TEX9: variants seen among roughly 807,000 people sequenced by gnomAD.
TEX9 encodes the protein testis-expressed protein 9.
TEX9 carries 74 observed loss-of-function variants against 59.6 expected under a neutral mutation model. The observed-to-expected ratio is 1.24, with a 90% CI of 1.03 to 1.51. TEX9 has a LOEUF of 1.51. TEX9 is among the 40% of genes most tolerant of loss of function. The probability of loss-of-function intolerance (pLI) is 0.00; values close to 1 mark genes in which losing one functional copy is unlikely to be tolerated. For synonymous variants in TEX9, 186 were observed against 152.2 expected (o/e 1.22, Z -1.64); for missense variants, 522 against 447.8 (o/e 1.17, Z -1.49).
exon 1 of TEX9, chr15:56,365,458 G>C (rs537944924): frequency 6.2e-7 from 1 of 1,612,680 alleles, no homozygotes; most frequent in East Asian, 2.2e-5. Context: ...AAGATGGCGG[G>C]GCGAAGTCTG....
intron 10 of TEX9, among the ~76,000 whole-genome samples, chr15:56,419,334 T>C (rs1231395448): frequency 6.6e-6 from 1 of 151,874 alleles, no homozygotes; most frequent in African/African-American, 2.4e-5. Flanking sequence ...ATGCTTTGGC[T>C]TTGTGGGCTA....
chr15:56,456,400 T>C, the TEX9 span: 1 of 1,604,290 alleles, frequency 6.2e-7, no homozygotes, highest in Non-Finnish European at 8.5e-7. Context: ...ATACCTGTTT[T>C]CTCTTACTTG....
chr15:56,247,614 G>T (rs1041186420), intron 1 of TEX9, among the ~76,000 whole-genome samples: 1 of 152,112 alleles, frequency 6.6e-6, no homozygotes, highest in East Asian at 1.9e-4. Flanking sequence ...GTATAGGCGA[G>T]GGAAAAGAAG....
chr15:56,261,672 A>G (rs1276536135), intron 1 of TEX9, among the ~76,000 whole-genome samples: 1 of 152,048 alleles, frequency 6.6e-6, no homozygotes, highest in Non-Finnish European at 1.5e-5. Context: ...AGCTAAGCTA[A>G]CGCCATTGCA....
intron 1 of TEX9, among the ~76,000 whole-genome samples, chr15:56,316,286 C>A (rs1271703375): frequency 6.6e-6 from 1 of 151,946 alleles, no homozygotes. Context: ...GTGGTTTTAT[C>A]TACTTTTCGT....
chr15:56,319,200 G>A (rs190783214), intron 1 of TEX9, among the ~76,000 whole-genome samples: 2 of 152,020 alleles, frequency 1.3e-5, no homozygotes, highest in East Asian at 3.9e-4. Context: ...CAACCCCTCT[G>A]TGATGGCCAC....
intron 1 of TEX9, among the ~76,000 whole-genome samples, chr15:56,282,867 G>A (rs922818244): frequency 2.6e-5 from 4 of 152,056 alleles, no homozygotes; most frequent in African/African-American, 2.4e-5. Context: ...CAAAACTTTG[G>A]TGGGATATTT....
rs181316842 is a variant in TEX9 at position 56,263,913 on chromosome 15, T to C, written c.-107+19635T>C. ...TATTAATGAGTACTGTATCACTGCA[T>C]GGATATACCAATTTGTCTATCCATT... On this transcript the variant is annotated intron_variant, in intron 1 of 5. Coordinates refer to the TEX9 transcript ENST00000560827. Among the ~76,000 whole-genome samples, 270 of 152,340 alleles carry C rather than the reference T, an allele frequency of 1.8e-3. 1 individual carries two copies. The highest frequency in any genetic ancestry group is 6.2e-3 in the African/African-American group (256 of 41,566).
chr15:56,263,770 C>T (rs966808358), intron 1 of TEX9, among the ~76,000 whole-genome samples: 1 of 152,140 alleles, frequency 6.6e-6, no homozygotes, highest in Non-Finnish European at 1.5e-5. Flanking sequence ...CTAGTTTTAC[C>T]TTTATAAAAT....
intron 1 of TEX9, among the ~76,000 whole-genome samples, chr15:56,303,427 T>C (rs1396944079): frequency 2.6e-5 from 4 of 152,100 alleles, no homozygotes; most frequent in African/African-American, 9.7e-5. Flanking sequence ...ACACGGAAAT[T>C]ATATGATATG....
intron 1 of TEX9, among the ~76,000 whole-genome samples, chr15:56,272,143 C>CA (rs34084962): frequency 0.49 from 70,940 of 143,772 alleles, 17,965 homozygotes; most frequent in Non-Finnish European, 0.59. Context: ...CATTCCATCT[C>CA]AAAAAAAAAA....
At chr15:56,309,195 T>G (rs2045548145) in intron 1 of TEX9, among the ~76,000 whole-genome samples, 1 of 152,056 alleles carries the variant, frequency 6.6e-6, no homozygotes, top group African/African-American at 2.4e-5. Context: ...TAGCTGTAGG[T>G]TTTTTATCGA....
At chr15:56,329,235 C>T (rs891080152) in intron 1 of TEX9, among the ~76,000 whole-genome samples, 1 of 152,138 alleles carries the variant, frequency 6.6e-6, no homozygotes, top group Non-Finnish European at 1.5e-5. Context: ...GCTTGGAGTA[C>T]CCCCTAATGC....
chr15:56,447,841 C>G (rs1366023793), downstream of TEX9: 2 of 152,142 alleles, frequency 1.3e-5, no homozygotes, highest in Non-Finnish European at 2.9e-5. Flanking sequence ...CTGAGGCAAG[C>G]TAATTTGCTG....
chr15:56,383,352 G>C (rs563823477), intron 3 of TEX9, among the ~76,000 whole-genome samples: 30 of 152,274 alleles, frequency 2.0e-4, no homozygotes, highest in African/African-American at 7.2e-4. Flanking sequence ...TTAAAACCAG[G>C]TACTGTGTTT....
the TEX9 span, among the ~76,000 whole-genome samples, chr15:56,453,239 A>G: frequency 6.6e-6 from 1 of 152,264 alleles, no homozygotes; most frequent in East Asian, 1.9e-4. Flanking sequence ...ATACATTCAA[A>G]TATCAACTAA....
At chr15:56,312,326 G>T (rs1361641508) in intron 1 of TEX9, among the ~76,000 whole-genome samples, 1 of 139,392 alleles carries the variant, frequency 7.2e-6, no homozygotes, top group South Asian at 2.4e-4. Context: ...TTTGGATAAG[G>T]TGTAAGGAAG....
intron 5 of TEX9, 31 bp from the exon 6 acceptor site, chr15:56,389,287 T>C (rs779513962): frequency 6.5e-7 from 1 of 1,545,462 alleles, no homozygotes; most frequent in Non-Finnish European, 8.9e-7. Context: ...TAGACTCTAA[T>C]TAGTCAATAC....
chr15:56,325,487 A>T (rs2046002126), intron 1 of TEX9, among the ~76,000 whole-genome samples: 1 of 152,218 alleles, frequency 6.6e-6, no homozygotes, highest in African/African-American at 2.4e-5. Flanking sequence ...CTCCATACTT[A>T]ACCTCTTACC....
Sources: gnomAD v4.1 joint callset for allele counts (sites outside exome capture counted in the v4.1 genomes callset) on GRCh38, gnomAD v4.1.1 for gene constraint, MANE v1.5 for transcripts, NCBI Gene and HGNC (gene_info 2026-07-23, HGNC 2026-07-21) for gene names.